The following MRAP2 variants were observed in gnomAD, a reference collection of about 807,000 sequenced individuals.
The protein encoded by MRAP2 is melanocortin-2 receptor accessory protein 2.
In MRAP2, 20 loss-of-function variants were observed where a neutral mutation model predicts 17.4. That is an observed-to-expected ratio of 1.15 (90% CI 0.81 to 1.67). The LOEUF is 1.67. Ranked by LOEUF, MRAP2 falls within the 40% of genes most tolerant of loss-of-function variation. MRAP2 has a pLI of 0.00. For missense variants in MRAP2, 238 were observed against 240.0 expected, an observed-to-expected ratio of 0.99 and a Z score of 0.05; for synonymous variants, 96 against 88.4, an observed-to-expected ratio of 1.09 and a Z score of -0.48.
At chr6:84,121,626 GGAGT>G in the MRAP2 span, among the ~76,000 whole-genome samples, 6 of 152,032 alleles carry the variant, frequency 3.9e-5, no homozygotes, top group African/African-American at 1.4e-4. Context: ...CCTGGGTGAC[GGAGT>G]AAGACTCCGT....
At chr6:84,119,408 C>T in the MRAP2 span, among the ~76,000 whole-genome samples, 1 of 152,074 alleles carries the variant, frequency 6.6e-6, no homozygotes, top group Non-Finnish European at 1.5e-5. Flanking sequence ...CAGTAGACAC[C>T]CTGTCAGCCT....
At chr6:84,104,637 G>C in the MRAP2 span, among the ~76,000 whole-genome samples, 4 of 152,258 alleles carry the variant, frequency 2.6e-5, 1 homozygote, top group Middle Eastern at 6.8e-3. Context: ...GGGAGGCCAA[G>C]GTGGGTGGAT....
At chr6:84,107,889 G>T in the MRAP2 span, among the ~76,000 whole-genome samples, 1 of 152,226 alleles carries the variant, frequency 6.6e-6, no homozygotes, top group Non-Finnish European at 1.5e-5. Flanking sequence ...GTCACTACTT[G>T]GTTAAAGTAT....
chr6:84,139,660 T>C, the MRAP2 span, among the ~76,000 whole-genome samples: 18 of 152,210 alleles, frequency 1.2e-4, no homozygotes, highest in Non-Finnish European at 2.5e-4. Flanking sequence ...CCCAGATATC[T>C]GTCTATAGCA....
intron 3 of MRAP2, among the ~76,000 whole-genome samples, chr6:84,073,583 A>T (rs992895343): frequency 6.6e-6 from 1 of 152,174 alleles, no homozygotes; most frequent in East Asian, 1.9e-4. Context: ...TTGGAGTTGC[A>T]ATCTAGTCCT....
chr6:84,073,484 G>A (rs1191882262), intron 3 of MRAP2, among the ~76,000 whole-genome samples: 1 of 152,118 alleles, frequency 6.6e-6, no homozygotes, highest in African/African-American at 2.4e-5. Flanking sequence ...AGGGTCTGTG[G>A]GTCCTCTTGG....
the MRAP2 span, among the ~76,000 whole-genome samples, chr6:84,107,934 A>G: frequency 1.3e-5 from 2 of 152,226 alleles, no homozygotes; most frequent in African/African-American, 4.8e-5. Flanking sequence ...AATACACCAA[A>G]CCAGGATATT....
chr6:84,125,998 C>T, the MRAP2 span, among the ~76,000 whole-genome samples: 1 of 152,068 alleles, frequency 6.6e-6, no homozygotes, highest in African/African-American at 2.4e-5. Context: ...AGTAATATTA[C>T]TAGTGCTAGC....
At chr6:84,138,222 A>C in the MRAP2 span, among the ~76,000 whole-genome samples, 4 of 152,192 alleles carry the variant, frequency 2.6e-5, no homozygotes, top group African/African-American at 9.6e-5. Flanking sequence ...CCTCCTTTAA[A>C]TAACTAGAAA....
At chr6:84,041,063 GC>G (rs556927042) in intron 1 of MRAP2, among the ~76,000 whole-genome samples, 2 of 152,084 alleles carry the variant, frequency 1.3e-5, no homozygotes, top group Non-Finnish European at 2.9e-5. Flanking sequence ...CTGGGTTCAG[GC>G]CCCCCCTGCT....
downstream of MRAP2, among the ~76,000 whole-genome samples, chr6:84,094,940 C>A (rs1018756524): frequency 6.6e-6 from 1 of 152,222 alleles, no homozygotes; most frequent in East Asian, 1.9e-4. Flanking sequence ...TACTAACAGG[C>A]TACTCAAGGC....
chr6:84,051,168 C>A (rs965316978), intron 1 of MRAP2, among the ~76,000 whole-genome samples: 2 of 152,222 alleles, frequency 1.3e-5, no homozygotes, highest in South Asian at 4.1e-4. Context: ...GGGATATTGA[C>A]ACAAAGACAT....
intron 1 of MRAP2, among the ~76,000 whole-genome samples, chr6:84,051,528 G>C (rs1013130966): frequency 6.6e-6 from 1 of 152,202 alleles, no homozygotes; most frequent in African/African-American, 2.4e-5. Context: ...CTGCACTCCA[G>C]CCTGGGTGAC....
At chr6:84,130,509 C>T in the MRAP2 span, among the ~76,000 whole-genome samples, 54 of 152,232 alleles carry the variant, frequency 3.5e-4, no homozygotes, top group South Asian at 0.011. Context: ...GGTTGGTAGG[C>T]TATTAATTAC....
the MRAP2 span, among the ~76,000 whole-genome samples, chr6:84,117,649 GTC>G: frequency 0.011 from 1,097 of 100,992 alleles, 19 homozygotes; most frequent in African/African-American, 0.12. Flanking sequence ...TGGGGTGTGT[GTC>G]TGTGTGTGTG....
chr6:84,092,296 A>C (rs1037940871), downstream of MRAP2, among the ~76,000 whole-genome samples: 1 of 152,210 alleles, frequency 6.6e-6, no homozygotes, highest in Non-Finnish European at 1.5e-5. Flanking sequence ...GGATGTGGAC[A>C]TGCTTGGGGA....
At chr6:84,082,182 G>A (rs935115738) in intron 3 of MRAP2, among the ~76,000 whole-genome samples, 4 of 152,062 alleles carry the variant, frequency 2.6e-5, no homozygotes, top group Non-Finnish European at 5.9e-5. Context: ...GTAGAGAGTT[G>A]GATTGAAAGA....
At chr6:84,075,282 T>C (rs965770801) in intron 3 of MRAP2, among the ~76,000 whole-genome samples, 2 of 152,184 alleles carry the variant, frequency 1.3e-5, no homozygotes, top group African/African-American at 4.8e-5. Flanking sequence ...GGAAGGGTAG[T>C]CTTCTGTGTA....
At chr6:84,141,364 A>G in the MRAP2 span, among the ~76,000 whole-genome samples, 1 of 152,148 alleles carries the variant, frequency 6.6e-6, no homozygotes, top group Admixed American at 6.5e-5. Flanking sequence ...GTCTAGTCTA[A>G]GCAAACAAAC....
Sources: gnomAD v4.1 joint callset for allele counts (sites outside exome capture counted in the v4.1 genomes callset) on GRCh38, gnomAD v4.1.1 for gene constraint, MANE v1.5 for transcripts, NCBI Gene and HGNC (gene_info 2026-07-23, HGNC 2026-07-21) for gene names.